Variants in MEGF10 observed in about 807,000 individuals in gnomAD.
MEGF10 encodes multiple EGF like domains 10.
MEGF10 carries 86 observed loss-of-function variants against 147.5 expected under a neutral mutation model. The observed-to-expected ratio is 0.58, with a 90% CI of 0.49 to 0.70. The LOEUF (loss-of-function observed/expected upper bound fraction) is 0.70. Ranked by LOEUF, MEGF10 falls within the 30% of genes least tolerant of loss-of-function variation. The pLI, the probability that MEGF10 is intolerant of heterozygous loss-of-function variation, is 0.00. For synonymous variants in MEGF10, 478 were observed against 525.5 expected (o/e 0.91, Z 1.24); for missense variants, 1,329 against 1,487.3 (o/e 0.89, Z 1.75).
chr5:127,428,876 T>C (rs1035859977), intron 13 of MEGF10, among the ~76,000 whole-genome samples: 6 of 152,236 alleles, frequency 3.9e-5, no homozygotes, highest in African/African-American at 1.4e-4. Flanking sequence ...TGATTTCACA[T>C]TGAGGCCGCT....
chr5:127,280,049 T>G, the MEGF10 span, among the ~76,000 whole-genome samples: 1 of 152,228 alleles, frequency 6.6e-6, no homozygotes, highest in Non-Finnish European at 1.5e-5. Context: ...TATATTATTA[T>G]ATTGTATTAA....
chr5:127,453,906 T>C (rs1450957454), intron 22 of MEGF10, among the ~76,000 whole-genome samples: 1 of 152,220 alleles, frequency 6.6e-6, no homozygotes, highest in East Asian at 1.9e-4. Context: ...ATGCTCAATT[T>C]TTCCAGCATG....
intron 5 of MEGF10, among the ~76,000 whole-genome samples, chr5:127,374,248 T>G (rs1391944531): frequency 1.3e-5 from 2 of 152,250 alleles, no homozygotes; most frequent in African/African-American, 2.4e-5. Flanking sequence ...AGAGCACAAG[T>G]GCACTACGTG....
At chr5:127,333,414 A>G (rs964719139) in intron 2 of MEGF10, among the ~76,000 whole-genome samples, 1 of 152,074 alleles carries the variant, frequency 6.6e-6, no homozygotes, top group African/African-American at 2.4e-5. Context: ...TGGGGGGCTG[A>G]GGCACAAGAA....
intron 24 of MEGF10, 74 bp downstream of exon 24, chr5:127,455,681 A>G: frequency 1.4e-5 from 16 of 1,169,086 alleles, no homozygotes; most frequent in Non-Finnish European, 1.9e-5. Context: ...TTACGAATAT[A>G]ATAGTTGCAG....
At chr5:127,351,766 C>A (rs1413597224) in intron 4 of MEGF10, among the ~76,000 whole-genome samples, 4 of 152,158 alleles carry the variant, frequency 2.6e-5, no homozygotes, top group African/African-American at 9.7e-5. Context: ...ATGGAATGAG[C>A]CCAAAGGCAA....
chr5:127,380,233 T>C (rs1211384120), intron 5 of MEGF10, among the ~76,000 whole-genome samples: 2 of 152,126 alleles, frequency 1.3e-5, no homozygotes, highest in Non-Finnish European at 2.9e-5. Flanking sequence ...AATGAAGGCG[T>C]AAATGTGCCA....
At chr5:127,277,154 C>T in the MEGF10 span, among the ~76,000 whole-genome samples, 61 of 152,278 alleles carry the variant, frequency 4.0e-4, no homozygotes, top group African/African-American at 1.4e-3. Flanking sequence ...ATACCATGTG[C>T]GCTTCAGGAC....
intron 5 of MEGF10, among the ~76,000 whole-genome samples, chr5:127,371,738 G>A (rs1437589893): frequency 6.6e-6 from 1 of 152,150 alleles, no homozygotes; most frequent in Admixed American, 6.6e-5. Flanking sequence ...AAAATAAACC[G>A]TTGCTTTATT....
intron 13 of MEGF10, among the ~76,000 whole-genome samples, chr5:127,423,293 T>C (rs1248139599): frequency 6.6e-6 from 1 of 152,218 alleles, no homozygotes; most frequent in East Asian, 1.9e-4. Context: ...TATGACTGAG[T>C]ACAAATTCTG....
At chr5:127,328,425 C>A (rs916842241) in intron 1 of MEGF10, among the ~76,000 whole-genome samples, 1 of 152,052 alleles carries the variant, frequency 6.6e-6, no homozygotes, top group African/African-American at 2.4e-5. Flanking sequence ...AAAAATGGTA[C>A]CTGCGACTTT....
chr5:127,389,968 A>C (rs1364822464), intron 5 of MEGF10, among the ~76,000 whole-genome samples: 5 of 151,380 alleles, frequency 3.3e-5, no homozygotes, highest in Non-Finnish European at 7.3e-5. Context: ...GGCATGATGT[A>C]AATGCCCAGC....
At chr5:127,428,766 T>A (rs954732711) in intron 13 of MEGF10, among the ~76,000 whole-genome samples, 2 of 152,190 alleles carry the variant, frequency 1.3e-5, no homozygotes, top group Non-Finnish European at 2.9e-5. Flanking sequence ...AGCAATTAAG[T>A]AAGACAAGGA....
intron 1 of MEGF10, 73 bp from the exon 2 acceptor site, chr5:127,331,218 G>T (rs754110382): frequency 1.6e-5 from 12 of 756,602 alleles, no homozygotes; most frequent in African/African-American, 5.2e-5. Flanking sequence ...GTACCTGGTG[G>T]TTGCTGTACT....
intron 8 of MEGF10, among the ~76,000 whole-genome samples, chr5:127,404,358 G>T (rs1302978533): frequency 1.3e-5 from 2 of 150,260 alleles, no homozygotes; most frequent in African/African-American, 4.9e-5. Flanking sequence ...ATATATGCTG[G>T]TCATTAGGTT....
Position 127,445,461 on chromosome 5 carries a change from T to C in MEGF10, c.2496T>C (p.Gly832=), listed in dbSNP as rs1765908033. The C allele has an allele frequency of 6.2e-7, 1 of 1,611,444 alleles. No homozygotes were observed. The highest frequency in any genetic ancestry group is 1.7e-4 in the Middle Eastern group (1 of 6,056). Residue 832 remains glycine, a synonymous_variant, in exon 20 of 25, where the codon GGT becomes GGC. Transcript: ENST00000503335. The part of the protein sequence containing the change: ...GWKGARCDQA[G]VIIVGNLNSL... ...AAGTCTCTCTTCTTTTTCTAGCTGGTGTTATCATAGTTGGAAATCTGAACA... is the reference window on the plus strand; with the variant it reads ...AAGTCTCTCTTCTTTTTCTAGCTGGCGTTATCATAGTTGGAAATCTGAACA...
intron 4 of MEGF10, among the ~76,000 whole-genome samples, chr5:127,362,331 G>T (rs1462518146): frequency 6.7e-5 from 9 of 134,322 alleles, no homozygotes; most frequent in South Asian, 2.3e-4. Flanking sequence ...CGTTAGTATG[G>T]TTTTTTTTTT....
chr5:127,404,502 A>G (rs1470427298), intron 8 of MEGF10, among the ~76,000 whole-genome samples: 1 of 152,048 alleles, frequency 6.6e-6, no homozygotes, highest in Non-Finnish European at 1.5e-5. Context: ...CTGGCTCTTC[A>G]CTTTGTTGAT....
In MEGF10 at chr5:127,461,220, A is replaced by G. The variant is rs1766547143; in HGVS notation, c.*3902A>G. ...TTAATGCAATAAACTTTCTAATAAA[A>G]AACTCTAGTGTTTCTTTCTATATCT... On this transcript the variant is annotated 3_prime_UTR_variant, in exon 25 of 25. Transcript: ENST00000503335. The G allele has an allele frequency of 6.6e-6, 1 of 152,218 alleles. No individual in the cohort carries two copies. The highest frequency in any genetic ancestry group is 1.5e-5 in the Non-Finnish European group (1 of 68,046). The allele number at this position is 152,218 out of a possible 1,614,324, so 9.4% of individuals were successfully genotyped here.
Sources: gnomAD v4.1 joint callset for allele counts (sites outside exome capture counted in the v4.1 genomes callset) on GRCh38, gnomAD v4.1.1 for gene constraint, MANE v1.5 for transcripts, NCBI Gene and HGNC (gene_info 2026-07-23, HGNC 2026-07-21) for gene names.